OSBPL1A: variants seen among roughly 807,000 people sequenced by gnomAD.
OSBPL1A encodes the protein oxysterol-binding protein-related protein 1.
OSBPL1A carries 80 observed loss-of-function variants against 137.1 expected under a neutral mutation model. That is an observed-to-expected ratio of 0.58 (90% CI 0.49 to 0.70). OSBPL1A has a LOEUF of 0.70. OSBPL1A is among the 30% of genes least tolerant of loss of function. The pLI is 0.00. For synonymous variants in OSBPL1A, 365 were observed against 389.7 expected, an observed-to-expected ratio of 0.94 and a Z score of 0.75; for missense variants, 970 against 1,129.4, an observed-to-expected ratio of 0.86 and a Z score of 2.02.
intron 25 of OSBPL1A, 53 bp from the exon 26 acceptor site, chr18:24,166,755 T>G: frequency 6.5e-7 from 1 of 1,540,900 alleles, no homozygotes; most frequent in Non-Finnish European, 8.8e-7. Flanking sequence ...TAATGCAAAA[T>G]GAAACATCCT....
intron 15 of OSBPL1A, among the ~76,000 whole-genome samples, chr18:24,250,178 G>GT (rs1408310982): frequency 7.5e-5 from 6 of 79,566 alleles, no homozygotes; most frequent in African/African-American, 2.7e-4. Flanking sequence ...TTGTTTGTTT[G>GT]TTTGTTTGTT....
At chr18:24,219,931 G>A (rs2087831967) in intron 17 of OSBPL1A, among the ~76,000 whole-genome samples, 1 of 152,194 alleles carries the variant, frequency 6.6e-6, no homozygotes, top group Non-Finnish European at 1.5e-5. Context: ...TGTTAGTCCT[G>A]GATGAGGTTT....
intron 17 of OSBPL1A, 90 bp downstream of exon 17, chr18:24,224,952 A>C: frequency 2.6e-6 from 4 of 1,529,158 alleles, no homozygotes; most frequent in Non-Finnish European, 3.6e-6. Context: ...TACACGGGGA[A>C]AAATGAAGAC....
Position 24,166,571 on chromosome 18 carries a change from C to T in OSBPL1A, c.2659+8G>A, listed in dbSNP as rs773686055. 2.5e-6 allele frequency: 4 copies of T among 1,603,034 alleles called. No individual in the cohort carries two copies. The highest frequency in any genetic ancestry group is 3.4e-6 in the Non-Finnish European group (4 of 1,176,626). On this transcript the variant is annotated splice_region_variant and intron_variant, in intron 26 of 27. Coordinates refer to ENST00000319481, the MANE Select transcript of OSBPL1A (RefSeq NM_080597.4). ...TCTTCACTGGTGGCTTTGGCGGATG[C>T]TAGTTACCTATCTCTCCATTTTCCA...
rs142921616 is a variant in OSBPL1A, at chr18:24,283,450, T to G, written c.1175-2502A>C. ...AGCTTCTTTAATAAAGCCCAACTAA[T>G]TGAAAACTACCATATTCTAAAACAA... On this transcript the variant is annotated intron_variant, in intron 14 of 27. Transcript: ENST00000319481. 3.2e-3 allele frequency among the ~76,000 whole-genome samples: 486 copies of G among 152,048 alleles called. 5 individuals carry two copies. The highest frequency in any genetic ancestry group is 0.011 in the African/African-American group (446 of 41,502).
intron 7 of OSBPL1A, among the ~76,000 whole-genome samples, chr18:24,320,838 G>T (rs1416224422): frequency 6.6e-6 from 1 of 151,906 alleles, no homozygotes; most frequent in Non-Finnish European, 1.5e-5. Flanking sequence ...GACCAGCCTG[G>T]CCAACATGGT....
intron 3 of OSBPL1A, chr18:24,367,438 T>C (rs2091719163): frequency 6.6e-6 from 1 of 152,162 alleles, no homozygotes; most frequent in African/African-American, 2.4e-5. Context: ...GCTCAGGAGT[T>C]TGAGACCAGC....
At chr18:24,362,073 A>C (rs1367409797) in intron 4 of OSBPL1A, among the ~76,000 whole-genome samples, 1 of 152,068 alleles carries the variant, frequency 6.6e-6, no homozygotes, top group Non-Finnish European at 1.5e-5. Flanking sequence ...AAAGTGCTGT[A>C]CTGTGCCCAG....
At chr18:24,243,993 G>A (rs944147941) in intron 15 of OSBPL1A, among the ~76,000 whole-genome samples, 7 of 152,204 alleles carry the variant, frequency 4.6e-5, no homozygotes, top group African/African-American at 1.4e-4. Context: ...CTGAAACGAT[G>A]TAATTCCAGA....
At chr18:24,176,706 G>T (rs529801585) in intron 21 of OSBPL1A, among the ~76,000 whole-genome samples, 1 of 152,182 alleles carries the variant, frequency 6.6e-6, no homozygotes, top group South Asian at 2.1e-4. Context: ...TCCAGTGTCA[G>T]TTTAATTTTC....
chr18:24,229,744 CTT>C (rs879752974), intron 16 of OSBPL1A, among the ~76,000 whole-genome samples: 3 of 145,268 alleles, frequency 2.1e-5, no homozygotes, highest in African/African-American at 7.5e-5. Flanking sequence ...ATAAATCAAT[CTT>C]TTTTTTTTTT....
intron 15 of OSBPL1A, among the ~76,000 whole-genome samples, chr18:24,242,729 C>T (rs2088744194): frequency 6.6e-6 from 1 of 152,136 alleles, no homozygotes; most frequent in Non-Finnish European, 1.5e-5. Context: ...ATTATTATTA[C>T]AGCTGTGATA....
chr18:24,291,523 A>G (rs1479226569), intron 14 of OSBPL1A, among the ~76,000 whole-genome samples: 1 of 152,204 alleles, frequency 6.6e-6, no homozygotes, highest in East Asian at 1.9e-4. Flanking sequence ...AGAAGGCTCA[A>G]CATATGTCTA....
intron 18 of OSBPL1A, among the ~76,000 whole-genome samples, chr18:24,182,019 C>A (rs996253030): frequency 3.9e-5 from 6 of 152,086 alleles, no homozygotes; most frequent in African/African-American, 1.4e-4. Flanking sequence ...AAGGATTAAC[C>A]ACACATACCA....
At chr18:24,376,927 G>A (rs911000211) in intron 2 of OSBPL1A, among the ~76,000 whole-genome samples, 1 of 152,230 alleles carries the variant, frequency 6.6e-6, no homozygotes, top group African/African-American at 2.4e-5. Context: ...CAGCCGGCCC[G>A]CAAACGCCGC....
chr18:24,173,469 G>A (rs2086345988), intron 21 of OSBPL1A, among the ~76,000 whole-genome samples: 1 of 152,176 alleles, frequency 6.6e-6, no homozygotes, highest in African/African-American at 2.4e-5. Context: ...CTGGAATGCA[G>A]TGGCGTGATC....
chr18:24,272,329 C>G (rs1203305414), intron 15 of OSBPL1A: 8 of 963,482 alleles, frequency 8.3e-6, no homozygotes, highest in Middle Eastern at 5.3e-4. Flanking sequence ...CCAGTCCTGC[C>G]TGTCACTTAC....
rs555294239 is a variant in OSBPL1A, at chr18:24,224,656, A to T, written c.1601+386T>A. Among the ~76,000 whole-genome samples the T allele has an allele frequency of 1.1e-3, 174 of 152,376 alleles. 1 individual carries two copies. Among genetic ancestry groups the T allele is most frequent in the African/African-American group, 4.0e-3 (166 of 41,590 alleles). On this transcript the variant is annotated intron_variant, in intron 17 of 27. Transcript: ENST00000319481. ...ACTGGCAACATTGCCACTCATTCTT[A>T]ATAAAACCAACTAGAAGATCAAATG...
chr18:24,368,294 A>C lies in OSBPL1A; in HGVS notation c.200T>G (p.Leu67Arg). ...TTAAAGTCATAAATAGACCTTCAAC[A>C]GATCCTGGACCACTTGTCTGTGTCC... ...YFGHRQVVQD[L>R]LKAGAEVNVL... Residue 67 changes from leucine (L) to arginine (R), a missense_variant, in exon 3 of 28, where the codon CTG becomes CGG. Leu to Arg is a moderately radical substitution (Grantham distance 102). Around this residue, in one of 2 missense-constraint regions of OSBPL1A, gnomAD observed 647 missense variants for 672.6 expected, o/e 0.96. Transcript: ENST00000319481. 1 of 1,609,864 alleles carries C rather than the reference A, an allele frequency of 6.2e-7. No homozygotes were observed. The highest frequency in any genetic ancestry group is 2.2e-5 in the East Asian group (1 of 44,844).
Sources: gnomAD v4.1 joint callset for allele counts (sites outside exome capture counted in the v4.1 genomes callset) on GRCh38, gnomAD v4.1.1 for gene constraint, gnomAD v4.1.1 regional missense constraint, MANE v1.5 for transcripts, NCBI Gene and HGNC (gene_info 2026-07-23, HGNC 2026-07-21) for gene names.